The following ORC3 variants were observed in gnomAD, a reference collection of about 807,000 sequenced individuals.
ORC3 encodes origin recognition complex subunit 3.
In ORC3, 78 loss-of-function variants were observed where a neutral mutation model predicts 100.7. That is an observed-to-expected ratio of 0.77 (90% CI 0.65 to 0.94). The LOEUF (loss-of-function observed/expected upper bound fraction) is 0.94, where lower values mean the gene tolerates loss of function less well. Ranked by LOEUF, ORC3 falls within the 40% of genes least tolerant of loss-of-function variation. The pLI is 0.00. For synonymous variants in ORC3, 295 were observed against 289.3 expected (o/e 1.02, Z -0.20); for missense variants, 789 against 823.9 (o/e 0.96, Z 0.52).
intron 9 of ORC3, among the ~76,000 whole-genome samples, chr6:87,619,401 G>T (rs1311725947): frequency 1.3e-5 from 2 of 151,892 alleles, no homozygotes; most frequent in Admixed American, 6.6e-5. Context: ...TATTTACATG[G>T]TTTTTTTGTT....
chr6:87,663,242 AGAGT>A, intron 17 of ORC3, 98 bp downstream of exon 17: 1 of 931,592 alleles, frequency 1.1e-6, no homozygotes, highest in Non-Finnish European at 1.6e-6. Flanking sequence ...TAATGAGCAG[AGAGT>A]CGGCAATTCA....
In ORC3 at chr6:87,657,929, G is replaced by A. The variant is rs1769849724; in HGVS notation, c.1602G>A (p.Leu534=). The A allele has an allele frequency of 1.3e-6, 2 of 1,530,044 alleles. No homozygotes were observed. Among genetic ancestry groups the A allele is most frequent in the Non-Finnish European group, 1.8e-6 (2 of 1,103,676 alleles). The allele number at this position is 1,530,044 out of a possible 1,614,324, so 94.8% of individuals were successfully genotyped here. ...TDLYHLQKSL[L]EMKELRRSKK... is the part of the protein sequence containing the mutation. ...TGTTCTTTTATCTATAGTCCTTATTGGAAATGAAGGAGTTAAGAAGAAGTA... is the reference window on the plus strand; with the variant it reads ...TGTTCTTTTATCTATAGTCCTTATTAGAAATGAAGGAGTTAAGAAGAAGTA... Residue 534 remains leucine (L), a synonymous_variant, in exon 16 of 20, where the codon TTG becomes TTA. Transcript: ENST00000392844.
intron 3 of ORC3, among the ~76,000 whole-genome samples, chr6:87,602,959 A>T (rs1468081647): frequency 3.2e-3 from 167 of 52,694 alleles, no homozygotes; most frequent in Non-Finnish European, 5.3e-3. Flanking sequence ...TATATAATAT[A>T]TATATATATA....
intron 8 of ORC3, among the ~76,000 whole-genome samples, chr6:87,612,919 A>C (rs1778888420): frequency 6.6e-6 from 1 of 152,186 alleles, no homozygotes; most frequent in Non-Finnish European, 1.5e-5. Flanking sequence ...GACTCCTTAC[A>C]TTTTGTATAA....
intron 15 of ORC3, among the ~76,000 whole-genome samples, chr6:87,657,474 G>A (rs1182041174): frequency 6.6e-6 from 1 of 152,174 alleles, no homozygotes; most frequent in East Asian, 1.9e-4. Context: ...TTGTCGAAAT[G>A]AAGAACCTTC....
chr6:87,602,912 TTA>T (rs1554236438), intron 3 of ORC3, among the ~76,000 whole-genome samples: 10 of 36,228 alleles, frequency 2.8e-4, no homozygotes, highest in South Asian at 7.8e-4. Flanking sequence ...ATATTATATA[TTA>T]TATATATATA....
rs987356477 is a variant in ORC3, at chr6:87,662,881, G to A, written c.1692-122G>A. 5 of 513,356 alleles carry A rather than the reference G, an allele frequency of 9.7e-6. No individual in the cohort carries two copies. In the African/African-American group the frequency reaches 1.0e-4, roughly 10 times the overall value. 31.8% of individuals were successfully genotyped at this position (513,356 alleles called of 1,614,324 possible). A position where few individuals can be genotyped will look rare whatever the true frequency, so the allele number is the denominator to read the frequency against. On this transcript the variant is annotated intron_variant, in intron 16 of 19. Transcript: ENST00000392844. Reference sequence around the variant, plus strand: ...TTCAGTCCTCTACAGAGAGAGGATTGACAAAAATGTTATAGTGAAAATTGA... The same window carrying A: ...TTCAGTCCTCTACAGAGAGAGGATTAACAAAAATGTTATAGTGAAAATTGA...
chr6:87,594,428 A>G (rs751207283), intron 2 of ORC3, 21 bp downstream of exon 2: 1 of 1,551,318 alleles, frequency 6.4e-7, no homozygotes, highest in Non-Finnish European at 8.8e-7. Flanking sequence ...TGAATATTAA[A>G]TTTTTTATTC....
intron 18 of ORC3, 101 bp downstream of exon 18, chr6:87,664,960 TG>T: frequency 1.4e-6 from 1 of 696,914 alleles, no homozygotes; most frequent in East Asian, 2.7e-5. Context: ...ATTTATCTTG[TG>T]TTTAATGCCT....
At chr6:87,673,502 C>G in the ORC3 span, among the ~76,000 whole-genome samples, 1 of 152,144 alleles carries the variant, frequency 6.6e-6, no homozygotes, top group Non-Finnish European at 1.5e-5. Context: ...CTGGCCCAAA[C>G]TGCCAGTAGT....
intron 8 of ORC3, among the ~76,000 whole-genome samples, chr6:87,614,187 C>A (rs183281334): frequency 1.3e-5 from 2 of 152,202 alleles, no homozygotes; most frequent in East Asian, 3.9e-4. Context: ...AGGCTCAACA[C>A]GATGTGGAAG....
chr6:87,605,198 C>T lies in ORC3; in HGVS notation c.323-719C>T, dbSNP rs547819024. The stretch of plus-strand genomic sequence containing the variant: ...TTTAAAATTTTTATAGAGACAGGTT[C>T]TCACCATGTTTGCCAGGCTGTTCTT... On this transcript the variant is annotated intron_variant, in intron 4 of 19. Transcript: ENST00000392844. 9.8e-5 allele frequency among the ~76,000 whole-genome samples: 15 copies of T among 152,304 alleles called. No individual in the cohort carries two copies. In the East Asian group the frequency reaches 2.9e-3, roughly 29 times the overall value.
intron 7 of ORC3, among the ~76,000 whole-genome samples, chr6:87,610,900 A>G (rs1016087768): frequency 7.0e-6 from 1 of 141,870 alleles, no homozygotes; most frequent in Non-Finnish European, 1.5e-5. Flanking sequence ...TTTTTCCTTC[A>G]TTGATTCTAA....
intron 6 of ORC3, among the ~76,000 whole-genome samples, chr6:87,608,881 T>A (rs55886172): frequency 0.11 from 16,375 of 152,246 alleles, 936 homozygotes; most frequent in East Asian, 0.15. Flanking sequence ...ATATGAGTTA[T>A]AGATTTTTAC....
chr6:87,632,149 G>A (rs555837879), intron 11 of ORC3, among the ~76,000 whole-genome samples: 1 of 152,216 alleles, frequency 6.6e-6, no homozygotes, highest in East Asian at 1.9e-4. Flanking sequence ...GGGCAACAGA[G>A]CAAGACTCCA....
At chr6:87,602,954 A>AATACATATATATATATATATATATAT (rs1554236516) in intron 3 of ORC3, among the ~76,000 whole-genome samples, 1 of 95,300 alleles carries the variant, frequency 1.0e-5, no homozygotes, top group African/African-American at 4.2e-5. Flanking sequence ...ACACATATAT[A>AATACATATATATATATATATATATAT]ATATATATAT....
intron 13 of ORC3, among the ~76,000 whole-genome samples, chr6:87,640,406 A>G (rs762108018): frequency 1.1e-4 from 17 of 152,218 alleles, no homozygotes; most frequent in Non-Finnish European, 2.1e-4. Context: ...GCAAGTGTTC[A>G]TTTATAATAT....
chr6:87,601,090 T>C (rs1305891293), intron 2 of ORC3, among the ~76,000 whole-genome samples: 1 of 152,142 alleles, frequency 6.6e-6, no homozygotes, highest in Non-Finnish European at 1.5e-5. Flanking sequence ...ATAGTAGTAG[T>C]AAGTCATTCA....
chr6:87,607,509 A>G (rs1778428774), intron 5 of ORC3, among the ~76,000 whole-genome samples, 164 bp from the exon 6 acceptor site: 1 of 152,200 alleles, frequency 6.6e-6, no homozygotes, highest in Non-Finnish European at 1.5e-5. Context: ...AATGAGCATC[A>G]GTAGTTAATA....
Sources: gnomAD v4.1 joint callset for allele counts (sites outside exome capture counted in the v4.1 genomes callset) on GRCh38, gnomAD v4.1.1 for gene constraint, MANE v1.5 for transcripts, NCBI Gene and HGNC (gene_info 2026-07-23, HGNC 2026-07-21) for gene names.